The following CHID1 variants were observed in gnomAD, a reference collection of about 807,000 sequenced individuals.
CHID1 encodes chitinase domain containing 1, also known as chitinase domain-containing protein 1.
Under a neutral mutation model 55.4 loss-of-function variants are expected in CHID1, and 44 were observed. The ratio of observed to expected loss-of-function variants is 0.79; its 90% CI spans 0.62 to 1.02. CHID1 has a LOEUF of 1.02. CHID1 is among the 50% of genes least tolerant of loss of function. The probability of loss-of-function intolerance (pLI) is 0.00; values close to 1 mark genes in which losing one functional copy is unlikely to be tolerated. For synonymous variants in CHID1, 216 were observed against 212.9 expected (o/e 1.01, Z -0.13); for missense variants, 491 against 515.3 (o/e 0.95, Z 0.46).
chr11:907,535 G>A (rs968165697), intron 1 of CHID1, among the ~76,000 whole-genome samples: 3 of 152,102 alleles, frequency 2.0e-5, no homozygotes. Context: ...TGGGGGCAGC[G>A]GCGGTGGGAG....
chr11:885,878 C>T lies in CHID1; in HGVS notation c.702-1709G>A, dbSNP rs554809462. ...ATTCAAAAAGGAAAAATGGGCCGGG[C>T]GCAGTGGCTCACGCCTGTAATCCCA... On this transcript the variant is annotated intron_variant, in intron 8 of 12. Transcript: ENST00000323578. Among the ~76,000 whole-genome samples, 510 of 152,228 alleles carry T rather than the reference C, an allele frequency of 3.4e-3. 1 individual carries two copies. Among genetic ancestry groups the T allele is most frequent in the African/African-American group, 0.011 (473 of 41,512 alleles).
chr11:902,137 C>A, intron 4 of CHID1, 61 bp downstream of exon 4: 3 of 1,601,918 alleles, frequency 1.9e-6, no homozygotes, highest in South Asian at 1.1e-5. Flanking sequence ...CACCCCTGCT[C>A]TCGCACTCAC....
intron 6 of CHID1, among the ~76,000 whole-genome samples, chr11:899,640 C>T (rs958320996): frequency 6.6e-6 from 1 of 152,192 alleles, no homozygotes; most frequent in Non-Finnish European, 1.5e-5. Context: ...CCATGCACCT[C>T]CCCCAACCCC....
intron 8 of CHID1, among the ~76,000 whole-genome samples, chr11:884,552 C>T (rs530036864): frequency 8.5e-5 from 13 of 152,284 alleles, no homozygotes; most frequent in Admixed American, 5.2e-4. Flanking sequence ...CTCCCAGGAG[C>T]GTCCCCTCCC....
intron 7 of CHID1, among the ~76,000 whole-genome samples, chr11:897,118 C>T (rs1289852662): frequency 7.5e-6 from 1 of 132,678 alleles, no homozygotes. Flanking sequence ...CAGACACGAG[C>T]CTGTCTCAGC....
At chr11:884,662 C>T (rs920714254) in intron 8 of CHID1, among the ~76,000 whole-genome samples, 8 of 152,182 alleles carry the variant, frequency 5.3e-5, no homozygotes, top group Non-Finnish European at 1.2e-4. Flanking sequence ...CTGTCCAAAG[C>T]CCTCACTGGA....
chr11:904,381 A>G (rs1365467589), intron 2 of CHID1, among the ~76,000 whole-genome samples: 2 of 152,260 alleles, frequency 1.3e-5, no homozygotes, highest in Non-Finnish European at 2.9e-5. Flanking sequence ...AAAGACAGCA[A>G]GATGAAGATG....
intron 4 of CHID1, among the ~76,000 whole-genome samples, chr11:901,690 G>A (rs184582580): frequency 7.2e-5 from 11 of 151,876 alleles, no homozygotes; most frequent in South Asian, 2.1e-4. Context: ...TGTGCAGCCC[G>A]GAAGTGCAAG....
intron 10 of CHID1, among the ~76,000 whole-genome samples, chr11:871,237 C>CACCTTG: frequency 6.6e-6 from 1 of 152,216 alleles, no homozygotes; most frequent in South Asian, 2.1e-4. Flanking sequence ...GTGATCTGTC[C>CACCTTG]GCCTTGGCCT....
At chr11:887,583 ACTG>A (rs1404092467) in intron 8 of CHID1, among the ~76,000 whole-genome samples, 1 of 152,060 alleles carries the variant, frequency 6.6e-6, no homozygotes, top group East Asian at 1.9e-4. Flanking sequence ...GGCCAGCAGG[ACTG>A]CCTGTCCCTT....
At chr11:888,190 C>T (rs750828784) in intron 8 of CHID1, among the ~76,000 whole-genome samples, 39 of 152,234 alleles carry the variant, frequency 2.6e-4, no homozygotes, top group Non-Finnish European at 5.0e-4. Flanking sequence ...AGGCTAAGAA[C>T]GGTCCTCACG....
chr11:899,211 C>T, intron 7 of CHID1, 129 bp downstream of exon 7: 1 of 874,480 alleles, frequency 1.1e-6, no homozygotes, highest in Admixed American at 2.1e-5. Context: ...TTTTGTGCAG[C>T]CCCGTCCCCA....
intron 1 of CHID1, among the ~76,000 whole-genome samples, chr11:910,054 G>A (rs1852538811): frequency 2.0e-5 from 3 of 150,516 alleles, no homozygotes; most frequent in Non-Finnish European, 4.4e-5. Context: ...GTGAGACTCT[G>A]TCTCAAAAAA....
At chr11:871,452 G>A (rs541582772) in intron 10 of CHID1, among the ~76,000 whole-genome samples, 57 of 7,418 alleles carry the variant, frequency 7.7e-3, no homozygotes, top group Non-Finnish European at 0.014. Context: ...CTGGGGACAC[G>A]ACTGCGGCTT....
In CHID1 at chr11:893,486, C is replaced by A; in HGVS notation, c.642G>T (p.Glu214Asp). ...GLIHMLTHLA[E>D]ALHQARLLAL... ...CCAGCAGCCGGGCCTGGTGCAGAGC[C>A]TCGGCCAAGTGGGTGAGCATGTGGA... The change falls in exon 8 of 13, where the codon GAG (glutamate) becomes GAT (aspartate). Residue 214 changes from glutamate (E) to aspartate (D), a missense_variant. Coordinates refer to ENST00000323578, the MANE Select transcript of CHID1 (RefSeq NM_023947.4). 6.4e-7 allele frequency: 1 copy of A among 1,551,534 alleles called. No homozygotes were observed. Among genetic ancestry groups the A allele is most frequent in the Non-Finnish European group, 8.7e-7 (1 of 1,147,036 alleles).
chr11:915,107 C>T (rs1193866639), upstream of CHID1: 1 of 153,582 alleles, frequency 6.5e-6, no homozygotes, highest in Non-Finnish European at 1.4e-5. Context: ...GACATCCTCT[C>T]TGGGTGCTGG....
intron 3 of CHID1, among the ~76,000 whole-genome samples, chr11:902,675 G>C (rs1851906754): frequency 6.6e-6 from 1 of 152,058 alleles, no homozygotes; most frequent in Admixed American, 6.6e-5. Context: ...CCCAGGGTTG[G>C]CTCTGCACAT....
chr11:893,359 C>G, intron 8 of CHID1, 68 bp downstream of exon 8: 2 of 1,354,492 alleles, frequency 1.5e-6, no homozygotes, highest in Non-Finnish European at 2.0e-6. Flanking sequence ...TGGCCGACAC[C>G]CTGCACTGGC....
chr11:892,674 C>T (rs1850933954), intron 8 of CHID1, among the ~76,000 whole-genome samples: 2 of 152,256 alleles, frequency 1.3e-5, no homozygotes, highest in Admixed American at 6.5e-5. Flanking sequence ...ACCTGGTCTG[C>T]AGGACATGCT....
Sources: gnomAD v4.1 joint callset for allele counts (sites outside exome capture counted in the v4.1 genomes callset) on GRCh38, gnomAD v4.1.1 for gene constraint, MANE v1.5 for transcripts, NCBI Gene and HGNC (gene_info 2026-07-23, HGNC 2026-07-21) for gene names.